PDCD1LG2: variants seen among roughly 807,000 people sequenced by gnomAD.
PDCD1LG2 encodes B7 dendritic cell molecule.
PDCD1LG2 carries 32 observed loss-of-function variants against 28.2 expected under a neutral mutation model. The ratio of observed to expected loss-of-function variants is 1.13; its 90% confidence interval spans 0.86 to 1.52. The LOEUF is 1.52. Among genes scored for constraint, PDCD1LG2 ranks in the 40% most tolerant of loss-of-function variants. The pLI is 0.00. For synonymous variants in PDCD1LG2, 116 were observed against 120.2 expected, an observed-to-expected ratio of 0.97 and a Z score of 0.23; for missense variants, 385 against 323.8, an observed-to-expected ratio of 1.19 and a Z score of -1.45.
intron 1 of PDCD1LG2, 33 bp from the exon 2 acceptor site, chr9:5,522,500 C>G (rs768412813): frequency 6.5e-7 from 1 of 1,545,816 alleles, no homozygotes; most frequent in Non-Finnish European, 8.9e-7. Flanking sequence ...CAAAGTTTCA[C>G]AAGGCCCTGA....
intron 3 of PDCD1LG2, among the ~76,000 whole-genome samples, chr9:5,547,494 C>T (rs1586811701): frequency 6.6e-6 from 1 of 152,188 alleles, no homozygotes; most frequent in East Asian, 1.9e-4. Context: ...GTCTTCTAGT[C>T]TCTTGGAATA....
At chr9:5,538,551 G>A (rs951470557) in intron 3 of PDCD1LG2, among the ~76,000 whole-genome samples, 15 of 152,218 alleles carry the variant, frequency 9.9e-5, no homozygotes, top group African/African-American at 1.2e-4. Flanking sequence ...AGCCGGGCGC[G>A]GTGGCGGGCG....
intron 4 of PDCD1LG2, 146 bp from the exon 5 acceptor site, chr9:5,557,472 G>A: frequency 2.2e-6 from 2 of 914,060 alleles, no homozygotes; most frequent in South Asian, 1.6e-5. Flanking sequence ...GAGCTGATAG[G>A]TGCAGAGCAC....
intron 3 of PDCD1LG2, among the ~76,000 whole-genome samples, chr9:5,541,611 G>A (rs1002713595): frequency 7.9e-5 from 12 of 151,974 alleles, no homozygotes; most frequent in Admixed American, 5.2e-4. Flanking sequence ...TATACCTAAC[G>A]AAGGACATGA....
At chr9:5,545,715 GAACA>G (rs999544623) in intron 3 of PDCD1LG2, among the ~76,000 whole-genome samples, 3 of 152,090 alleles carry the variant, frequency 2.0e-5, no homozygotes, top group African/African-American at 4.8e-5. Context: ...ACAACTGATA[GAACA>G]AACAATTAAG....
intron 4 of PDCD1LG2, among the ~76,000 whole-genome samples, chr9:5,550,685 ATC>A (rs201856823): frequency 0.04 from 5,693 of 143,260 alleles, 370 homozygotes; most frequent in African/African-American, 0.14. Context: ...CTGTCACCAC[ATC>A]TCTCTCTCTC....
intron 3 of PDCD1LG2, 34 bp from the exon 4 acceptor site, chr9:5,549,300 TA>T (rs1266112138): frequency 6.4e-7 from 1 of 1,572,124 alleles, no homozygotes; most frequent in Admixed American, 1.8e-5. Flanking sequence ...AATCAGAAAA[TA>T]AAGTCTTATT....
At chr9:5,522,025 C>T (rs1297597543) in intron 1 of PDCD1LG2, among the ~76,000 whole-genome samples, 3 of 152,204 alleles carry the variant, frequency 2.0e-5, no homozygotes, top group South Asian at 4.1e-4. Context: ...AAACTCAATT[C>T]CAGCACTCAA....
At chr9:5,566,424 T>G (rs556661641) in intron 6 of PDCD1LG2, among the ~76,000 whole-genome samples, 1 of 152,340 alleles carries the variant, frequency 6.6e-6, no homozygotes, top group South Asian at 2.1e-4. Flanking sequence ...TAGTTAAGTG[T>G]GGTCATGTAA....
intron 3 of PDCD1LG2, among the ~76,000 whole-genome samples, chr9:5,542,978 T>A (rs1820714659): frequency 6.6e-6 from 1 of 152,014 alleles, no homozygotes. Context: ...GGTATATATA[T>A]TATACATACA....
At chr9:5,513,146 C>T (rs150630990) in intron 1 of PDCD1LG2, among the ~76,000 whole-genome samples, 103 of 152,350 alleles carry the variant, frequency 6.8e-4, no homozygotes, top group Non-Finnish European at 9.7e-4. Context: ...GTGACTGCCA[C>T]TATTTCCCGA....
chr9:5,526,336 G>C (rs762815463), intron 2 of PDCD1LG2, among the ~76,000 whole-genome samples: 1 of 152,116 alleles, frequency 6.6e-6, no homozygotes, highest in Non-Finnish European at 1.5e-5. Flanking sequence ...AACTTTGTCA[G>C]CTCCCCAGAA....
chr9:5,529,066 A>T (rs1820433730), intron 2 of PDCD1LG2, among the ~76,000 whole-genome samples: 1 of 152,216 alleles, frequency 6.6e-6, no homozygotes, highest in African/African-American at 2.4e-5. Flanking sequence ...TCTTTATCAG[A>T]TATTGATTTT....
chr9:5,541,034 A>G (rs1156906614), intron 3 of PDCD1LG2, among the ~76,000 whole-genome samples: 1 of 152,200 alleles, frequency 6.6e-6, no homozygotes, highest in Non-Finnish European at 1.5e-5. Context: ...TGGGTTTTAC[A>G]CCAGGGATGC....
intron 6 of PDCD1LG2, among the ~76,000 whole-genome samples, chr9:5,568,831 T>C (rs1377329098): frequency 1.3e-5 from 2 of 152,222 alleles, no homozygotes; most frequent in Non-Finnish European, 2.9e-5. Context: ...TGTGTATTTT[T>C]TATGGTTCTC....
At chr9:5,526,549 T>C (rs1157288087) in intron 2 of PDCD1LG2, among the ~76,000 whole-genome samples, 1 of 152,188 alleles carries the variant, frequency 6.6e-6, no homozygotes, top group Non-Finnish European at 1.5e-5. Flanking sequence ...GTGAGTCTCC[T>C]GCCTCAATCT....
Position 5,570,250 on chromosome 9 carries a change from C to G in PDCD1LG2, c.*291C>G, listed in dbSNP as rs1352798234. ...TGGACCCACAGAATTCCTTCAGGAT[C>G]CTTCTTGCTGCCAGACTGAAAGCAA... On this transcript the variant is annotated 3_prime_UTR_variant, in exon 7 of 7. Coordinates refer to ENST00000397747, the MANE Select transcript of PDCD1LG2 (RefSeq NM_025239.4). The G allele has an allele frequency of 5.5e-6, 2 of 363,198 alleles. No homozygotes were observed. Among genetic ancestry groups the G allele is most frequent in the African/African-American group, 4.1e-5 (2 of 48,308 alleles). The allele number at this position is 363,198 out of a possible 1,614,324, so 22.5% of individuals were successfully genotyped here.
intron 2 of PDCD1LG2, among the ~76,000 whole-genome samples, chr9:5,533,722 T>C (rs1158736354): frequency 6.6e-6 from 1 of 152,026 alleles, no homozygotes; most frequent in Non-Finnish European, 1.5e-5. Context: ...TTTGGTAAAC[T>C]CTGAGTGGAA....
intron 6 of PDCD1LG2, among the ~76,000 whole-genome samples, chr9:5,565,805 T>A (rs934543110): frequency 6.6e-6 from 1 of 152,020 alleles, no homozygotes; most frequent in Non-Finnish European, 1.5e-5. Flanking sequence ...AAAAACAATA[T>A]TAAAATAAAT....
Sources: gnomAD v4.1 joint callset for allele counts (sites outside exome capture counted in the v4.1 genomes callset) on GRCh38, gnomAD v4.1.1 for gene constraint, MANE v1.5 for transcripts, NCBI Gene and HGNC (gene_info 2026-07-23, HGNC 2026-07-21) for gene names.